Variants in CCDC91 observed in about 807,000 individuals in gnomAD.
The protein encoded by CCDC91 is coiled-coil domain-containing protein 91.
CCDC91 carries 48 observed loss-of-function variants against 63.2 expected under a neutral mutation model. That is an observed-to-expected ratio of 0.76 (90% CI 0.60 to 0.97). The LOEUF (loss-of-function observed/expected upper bound fraction) is 0.97. Among genes scored for constraint, CCDC91 ranks in the 50% least tolerant of loss-of-function variants. The pLI is 0.00. For missense variants in CCDC91, 500 were observed against 494.6 expected (o/e 1.01, Z -0.10); for synonymous variants, 167 against 165.8 (o/e 1.01, Z -0.06).
intron 3 of CCDC91, among the ~76,000 whole-genome samples, chr12:28,276,599 T>C (rs1242883880): frequency 6.6e-6 from 1 of 151,974 alleles, no homozygotes; most frequent in Non-Finnish European, 1.5e-5. Flanking sequence ...ATTTGCCTTA[T>C]TCAGATTGCT....
chr12:28,198,884 A>G (rs946383191), intron 1 of CCDC91: 3 of 150,272 alleles, frequency 2.0e-5, no homozygotes, highest in Admixed American at 1.3e-4. Context: ...TGTATTAAGT[A>G]TATATTTTCT....
chr12:28,471,479 G>A (rs1950809016), intron 11 of CCDC91, among the ~76,000 whole-genome samples: 1 of 152,104 alleles, frequency 6.6e-6, no homozygotes, highest in African/African-American at 2.4e-5. Context: ...AAAGCTGGGA[G>A]ATTCAATTCA....
At chr12:28,195,560 T>C (rs1181573651) in intron 1 of CCDC91, among the ~76,000 whole-genome samples, 1 of 152,242 alleles carries the variant, frequency 6.6e-6, no homozygotes, top group Non-Finnish European at 1.5e-5. Flanking sequence ...TCTGTTTGGC[T>C]AAAACCTCAG....
At chr12:28,222,846 G>C (rs773861395) in intron 1 of CCDC91, among the ~76,000 whole-genome samples, 1 of 152,132 alleles carries the variant, frequency 6.6e-6, no homozygotes, top group Non-Finnish European at 1.5e-5. Context: ...GTGGCTCTTA[G>C]TACTTTGGTC....
intron 1 of CCDC91, among the ~76,000 whole-genome samples, chr12:28,201,053 T>A (rs1307130099): frequency 6.9e-6 from 1 of 145,102 alleles, no homozygotes; most frequent in Non-Finnish European, 1.5e-5. Flanking sequence ...GCAGAGGGGC[T>A]CCTCACTTCC....
intron 5 of CCDC91, 143 bp downstream of exon 5, chr12:28,307,088 A>G: frequency 3.4e-6 from 2 of 589,656 alleles, no homozygotes; most frequent in South Asian, 2.3e-5. Flanking sequence ...TGAGCTTATC[A>G]CTTAGAAAAG....
chr12:28,506,531 G>A (rs1020868916), intron 12 of CCDC91, among the ~76,000 whole-genome samples: 6 of 151,974 alleles, frequency 3.9e-5, no homozygotes, highest in Admixed American at 3.3e-4. Context: ...TTAGGAAGGA[G>A]AAATAAATGC....
At chr12:28,344,952 C>G (rs535498279) in intron 6 of CCDC91, among the ~76,000 whole-genome samples, 1 of 152,072 alleles carries the variant, frequency 6.6e-6, no homozygotes, top group Non-Finnish European at 1.5e-5. Context: ...TGTTCCTCAG[C>G]TTTGGTGTCA....
intron 7 of CCDC91, among the ~76,000 whole-genome samples, chr12:28,363,339 G>T (rs1944026612): frequency 6.6e-6 from 1 of 152,026 alleles, no homozygotes; most frequent in Admixed American, 6.5e-5. Flanking sequence ...ATATTTTCAT[G>T]TCAGTACATA....
Position 28,329,620 on chromosome 12 carries a change from TA to T in CCDC91, c.576+21872del, listed in dbSNP as rs201398051. ...TATTAAGGACATTATTAAGGATTATTATTTTTTTTATTATACTTTAAGTTCT... is the reference window on the plus strand; with the variant it reads ...TATTAAGGACATTATTAAGGATTATTTTTTTTTTATTATACTTTAAGTTCT... On this transcript the variant is annotated intron_variant, in intron 6 of 12. Transcript: ENST00000536442. 3.0e-3 allele frequency among the ~76,000 whole-genome samples: 451 copies of T among 152,246 alleles called. 5 individuals carry two copies. Among genetic ancestry groups the T allele is most frequent in the African/African-American group, 8.7e-3 (362 of 41,554 alleles).
chr12:28,509,412 G>A (rs1394871871), intron 12 of CCDC91, among the ~76,000 whole-genome samples: 1 of 151,076 alleles, frequency 6.6e-6, no homozygotes, highest in African/African-American at 2.4e-5. Context: ...GATAGGGGTG[G>A]TAGTAGTGGA....
At chr12:28,467,469 A>C (rs1950601488) in intron 11 of CCDC91, among the ~76,000 whole-genome samples, 1 of 152,060 alleles carries the variant, frequency 6.6e-6, no homozygotes, top group Admixed American at 6.5e-5. Context: ...AGCAAATATT[A>C]GAGCTAAAGA....
At chr12:28,488,182 A>C (rs1456630246) in intron 12 of CCDC91, among the ~76,000 whole-genome samples, 3 of 151,786 alleles carry the variant, frequency 2.0e-5, no homozygotes, top group Admixed American at 2.0e-4. Flanking sequence ...TTTAAATGCT[A>C]TTTACCAATT....
intron 1 of CCDC91, among the ~76,000 whole-genome samples, chr12:28,203,158 G>A (rs1270490875): frequency 3.9e-5 from 6 of 152,044 alleles, no homozygotes; most frequent in Admixed American, 2.0e-4. Context: ...ATGGTACTGG[G>A]GATAGAGGGA....
At chr12:28,481,017 T>G (rs554557632) in intron 11 of CCDC91, among the ~76,000 whole-genome samples, 1 of 152,146 alleles carries the variant, frequency 6.6e-6, no homozygotes, top group South Asian at 2.1e-4. Flanking sequence ...TAGCCCTGAA[T>G]GACATTCAAC....
At chr12:28,493,505 G>A (rs1308168217) in intron 12 of CCDC91, among the ~76,000 whole-genome samples, 1 of 151,644 alleles carries the variant, frequency 6.6e-6, no homozygotes, top group African/African-American at 2.4e-5. Flanking sequence ...AAGCAGCTAA[G>A]AAAATGCTGT....
chr12:28,535,054 C>T (rs1942040461), intron 12 of CCDC91, among the ~76,000 whole-genome samples: 1 of 152,070 alleles, frequency 6.6e-6, no homozygotes. Flanking sequence ...TTTTGACTTC[C>T]AGATTTTTAT....
intron 6 of CCDC91, among the ~76,000 whole-genome samples, chr12:28,342,125 T>C (rs1313379736): frequency 6.6e-6 from 1 of 152,164 alleles, no homozygotes; most frequent in Admixed American, 6.5e-5. Flanking sequence ...CAAAGAAGCA[T>C]GAGAAGAATT....
intron 11 of CCDC91, among the ~76,000 whole-genome samples, chr12:28,457,624 A>C (rs542343370): frequency 6.6e-6 from 1 of 151,730 alleles, no homozygotes; most frequent in Non-Finnish European, 1.5e-5. Flanking sequence ...ATGTTAAACT[A>C]TGACAGAAAA....
Sources: allele counts gnomAD v4.1 joint callset (sites outside exome capture counted in the v4.1 genomes callset), GRCh38; gene constraint gnomAD v4.1.1; transcripts MANE v1.5; gene names NCBI Gene and HGNC (gene_info 2026-07-23, HGNC 2026-07-21).